Variants in GRIP1 observed in about 807,000 individuals in gnomAD.
The protein encoded by GRIP1 is glutamate receptor-interacting protein 1.
Under a neutral mutation model 129.9 loss-of-function variants are expected in GRIP1, and 45 were observed. That is an observed-to-expected ratio of 0.35 (90% CI 0.27 to 0.44). GRIP1 has a LOEUF of 0.44. GRIP1 is among the 20% of genes least tolerant of loss of function. The pLI is 1.00. For missense variants in GRIP1, 1,196 were observed against 1,396.8 expected, an observed-to-expected ratio of 0.86 and a Z score of 2.29; for synonymous variants, 530 against 520.8, an observed-to-expected ratio of 1.02 and a Z score of -0.24.
chr12:66,641,892 G>T (rs2031961268), intron 1 of GRIP1, among the ~76,000 whole-genome samples: 1 of 152,172 alleles, frequency 6.6e-6, no homozygotes, highest in Admixed American at 6.5e-5. Context: ...GAAGGACAGA[G>T]TAATAGTTTT....
chr12:67,020,963 T>A (rs1222284213), intron 1 of GRIP1, among the ~76,000 whole-genome samples: 1 of 151,740 alleles, frequency 6.6e-6, no homozygotes, highest in African/African-American at 2.4e-5. Flanking sequence ...CCAGGCATGG[T>A]GGTGTGCACT....
At chr12:66,551,302 C>T (rs1334306988) in intron 2 of GRIP1, among the ~76,000 whole-genome samples, 3 of 152,172 alleles carry the variant, frequency 2.0e-5, no homozygotes, top group East Asian at 1.9e-4. Context: ...AATGAAATGT[C>T]GTCAGTCCAT....
At chr12:66,950,074 C>G (rs2041732891) in intron 1 of GRIP1, among the ~76,000 whole-genome samples, 1 of 152,192 alleles carries the variant, frequency 6.6e-6, no homozygotes, top group African/African-American at 2.4e-5. Context: ...CCACGCCCGG[C>G]CACTACTTCC....
At chr12:66,875,151 C>G (rs2137168353) in intron 1 of GRIP1, among the ~76,000 whole-genome samples, 1 of 152,114 alleles carries the variant, frequency 6.6e-6, no homozygotes, top group Middle Eastern at 3.4e-3. Flanking sequence ...ATTGTTAGGT[C>G]ACCTTGTCTT....
chr12:66,798,828 G>C (rs896218399), intron 1 of GRIP1, among the ~76,000 whole-genome samples: 1 of 152,088 alleles, frequency 6.6e-6, no homozygotes. Flanking sequence ...TTGACTTGCA[G>C]TATTAAATCA....
chr12:66,630,119 G>C (rs1230502281), intron 1 of GRIP1: 3 of 152,256 alleles, frequency 2.0e-5, no homozygotes, highest in Non-Finnish European at 2.9e-5. Flanking sequence ...GGGAGGCTGA[G>C]ACAGGCAGAT....
At chr12:66,858,396 G>T (rs1209344502) in intron 1 of GRIP1, among the ~76,000 whole-genome samples, 4 of 151,828 alleles carry the variant, frequency 2.6e-5, no homozygotes, top group Non-Finnish European at 5.9e-5. Context: ...TGAATCTATT[G>T]TATGATATAT....
At chr12:66,910,455 T>G (rs2041010007) in intron 1 of GRIP1, among the ~76,000 whole-genome samples, 1 of 152,196 alleles carries the variant, frequency 6.6e-6, no homozygotes, top group Non-Finnish European at 1.5e-5. Flanking sequence ...AGCCATGGTA[T>G]GACCACCAAA....
intron 1 of GRIP1, among the ~76,000 whole-genome samples, chr12:66,981,806 A>G (rs1205883400): frequency 2.0e-5 from 3 of 152,242 alleles, no homozygotes; most frequent in Admixed American, 6.5e-5. Context: ...TTTGCTGTAC[A>G]TGAGTCCTTC....
At chr12:66,588,832 G>A (rs1442668289) in intron 2 of GRIP1, among the ~76,000 whole-genome samples, 1 of 148,622 alleles carries the variant, frequency 6.7e-6, no homozygotes, top group Non-Finnish European at 1.5e-5. Context: ...AGCTGGGCAT[G>A]GTGGTGTACG....
At chr12:66,516,787 A>G (rs936694633) in intron 6 of GRIP1, among the ~76,000 whole-genome samples, 1 of 152,206 alleles carries the variant, frequency 6.6e-6, no homozygotes, top group Non-Finnish European at 1.5e-5. Context: ...ACGTCAGCAA[A>G]AGTAAGAAAC....
At chr12:66,931,882 A>G (rs775723053) in intron 1 of GRIP1, among the ~76,000 whole-genome samples, 4 of 152,198 alleles carry the variant, frequency 2.6e-5, no homozygotes, top group Non-Finnish European at 4.4e-5. Context: ...TATGGCCCCA[A>G]TATTGGCTAT....
At chr12:66,629,472 C>T (rs2140028483) in intron 1 of GRIP1, among the ~76,000 whole-genome samples, 1 of 152,312 alleles carries the variant, frequency 6.6e-6, no homozygotes, top group East Asian at 1.9e-4. Context: ...TCCACTGAGC[C>T]ATGTCTTCGA....
chr12:66,505,750 A>T (rs758305796), intron 7 of GRIP1, among the ~76,000 whole-genome samples: 9 of 152,190 alleles, frequency 5.9e-5, no homozygotes, highest in Non-Finnish European at 1.2e-4. Context: ...ATATGTACCA[A>T]TTTTGGCATT....
At chr12:66,701,803 A>G (rs1167813810) in intron 1 of GRIP1, among the ~76,000 whole-genome samples, 5 of 152,196 alleles carry the variant, frequency 3.3e-5, no homozygotes, top group Non-Finnish European at 5.9e-5. Flanking sequence ...TTAACCCTAC[A>G]CTTGCTTAAA....
intron 1 of GRIP1, among the ~76,000 whole-genome samples, chr12:66,987,356 T>C (rs1416618283): frequency 6.6e-6 from 1 of 152,210 alleles, no homozygotes; most frequent in East Asian, 1.9e-4. Flanking sequence ...AATTTTGAGA[T>C]AAAGTACAAT....
chr12:67,040,741 G>A (rs1019638102), intron 1 of GRIP1, among the ~76,000 whole-genome samples: 3 of 152,140 alleles, frequency 2.0e-5, no homozygotes, highest in African/African-American at 4.8e-5. Context: ...AAAGAATGTC[G>A]CACAGGGCCT....
In GRIP1 at chr12:67,008,746, A is replaced by G. The variant is rs2042663285; in HGVS notation, c.58+60304T>C. 3.3e-5 allele frequency among the ~76,000 whole-genome samples: 5 copies of G among 152,202 alleles called. No individual in the cohort carries two copies. The South Asian group carries it at 1.0e-3, about 31-fold the overall frequency. ...GCACAGTGTTCAAACAGTAAGTGCT[A>G]AAGAAACTATAGATGCTATTAATTT... On this transcript the variant is annotated intron_variant, in intron 1 of 1. Transcript: ENST00000643019.
chr12:66,900,304 G>A (rs1325941505), intron 1 of GRIP1, among the ~76,000 whole-genome samples: 1 of 152,032 alleles, frequency 6.6e-6, no homozygotes, highest in Non-Finnish European at 1.5e-5. Context: ...CCTCCAAAAT[G>A]CAAAAGTTGA....
Sources: allele counts gnomAD v4.1 joint callset (sites outside exome capture counted in the v4.1 genomes callset), GRCh38; gene constraint gnomAD v4.1.1; transcripts MANE v1.5; gene names NCBI Gene and HGNC (gene_info 2026-07-23, HGNC 2026-07-21).